UTRN: variants seen among roughly 807,000 people sequenced by gnomAD.
UTRN encodes utrophin.
UTRN carries 283 observed loss-of-function variants against 463.9 expected under a neutral mutation model. The ratio of observed to expected loss-of-function variants is 0.61; its 90% CI spans 0.55 to 0.67. The LOEUF (loss-of-function observed/expected upper bound fraction) is 0.67, where lower values mean the gene tolerates loss of function less well. UTRN is among the 30% of genes least tolerant of loss of function. UTRN has a pLI of 0.00. For synonymous variants in UTRN, 1,442 were observed against 1,431.5 expected, an observed-to-expected ratio of 1.01 and a Z score of -0.17; for missense variants, 3,922 against 4,084.3, an observed-to-expected ratio of 0.96 and a Z score of 1.08.
intron 48 of UTRN, among the ~76,000 whole-genome samples, chr6:144,553,401 C>T (rs150697228): frequency 1.5e-3 from 232 of 152,266 alleles, no homozygotes; most frequent in African/African-American, 5.2e-3. Context: ...CAAAGTGTTC[C>T]ATGATAACTC....
At chr6:144,777,361 GA>G (rs560097632) in intron 60 of UTRN, among the ~76,000 whole-genome samples, 6 of 151,646 alleles carry the variant, frequency 4.0e-5, no homozygotes, top group South Asian at 2.1e-4. Context: ...TTAAATGGCA[GA>G]AAAAAAATGT....
At chr6:144,393,926 G>T (rs1246604504) in intron 2 of UTRN, among the ~76,000 whole-genome samples, 1 of 152,164 alleles carries the variant, frequency 6.6e-6, no homozygotes, top group Non-Finnish European at 1.5e-5. Context: ...TTTTGAGGTT[G>T]CATTGTTCTT....
intron 53 of UTRN, chr6:144,708,222 A>G (rs1290454115): frequency 4.9e-6 from 3 of 611,746 alleles, no homozygotes; most frequent in East Asian, 6.8e-5. Flanking sequence ...AATCTTGTAA[A>G]TTTGTAGTCC....
intron 51 of UTRN, among the ~76,000 whole-genome samples, chr6:144,638,298 C>G (rs560555535): frequency 6.6e-6 from 1 of 152,170 alleles, no homozygotes; most frequent in East Asian, 1.9e-4. Context: ...CATCTGTCAT[C>G]CTTGTTGATG....
At chr6:144,741,419 T>A (rs1401659991) in intron 54 of UTRN, among the ~76,000 whole-genome samples, 1 of 152,218 alleles carries the variant, frequency 6.6e-6, no homozygotes, top group Non-Finnish European at 1.5e-5. Flanking sequence ...TTTCTTTTTC[T>A]AGTTAAAGAT....
chr6:144,782,781 C>T (rs1291279892), intron 61 of UTRN, among the ~76,000 whole-genome samples: 2 of 152,100 alleles, frequency 1.3e-5, no homozygotes, highest in East Asian at 1.9e-4. Flanking sequence ...CTTTTGAATA[C>T]GACAGTACAT....
intron 2 of UTRN, among the ~76,000 whole-genome samples, chr6:144,331,701 G>A (rs1009221657): frequency 1.3e-5 from 2 of 152,140 alleles, no homozygotes; most frequent in South Asian, 2.1e-4. Context: ...CAAACGCAGC[G>A]ATTCAGCAGC....
chr6:144,495,439 C>T (rs1161991898), intron 33 of UTRN, among the ~76,000 whole-genome samples: 2 of 152,246 alleles, frequency 1.3e-5, no homozygotes, highest in Non-Finnish European at 2.9e-5. Context: ...CCTGCTGCTC[C>T]GAGTGCGGGG....
chr6:144,440,301 T>C, intron 12 of UTRN, 51 bp from the exon 13 acceptor site: 1 of 1,602,666 alleles, frequency 6.2e-7, no homozygotes, highest in Non-Finnish European at 8.5e-7. Context: ...GCGTTTTAAA[T>C]AGGTAAATGT....
Position 144,498,660 on chromosome 6 carries a change from C to CTTT in UTRN, c.4594-587_4594-585dup, listed in dbSNP as rs570731157. On this transcript the variant is annotated intron_variant, in intron 33 of 74. Transcript: ENST00000367545. ...TTTCTCGCTTAATACACATAACAAT[C>CTTT]TTTTTTTTTTTTGAGACGGGGTCTT... 2.5e-3 allele frequency among the ~76,000 whole-genome samples: 371 copies of CTTT among 145,836 alleles called. 6 individuals carry two copies. The highest frequency in any genetic ancestry group is 0.011 in the Middle Eastern group (3 of 280).
At chr6:144,562,864 T>G (rs1183010734) in intron 50 of UTRN, among the ~76,000 whole-genome samples, 1 of 152,200 alleles carries the variant, frequency 6.6e-6, no homozygotes, top group East Asian at 1.9e-4. Flanking sequence ...CACCAGCATC[T>G]GTTGTTTCTT....
intron 2 of UTRN, among the ~76,000 whole-genome samples, chr6:144,372,651 T>A (rs1340692926): frequency 6.6e-6 from 1 of 151,966 alleles, no homozygotes; most frequent in Non-Finnish European, 1.5e-5. Context: ...TGCACCACCA[T>A]GCCTGGCTAA....
chr6:144,307,995 G>T (rs189043430), intron 2 of UTRN, among the ~76,000 whole-genome samples: 27 of 152,212 alleles, frequency 1.8e-4, no homozygotes, highest in Admixed American at 7.2e-4. Context: ...CTACAGGAGA[G>T]AGAGATAATG....
intron 27 of UTRN, among the ~76,000 whole-genome samples, chr6:144,483,561 G>A (rs1331527418): frequency 6.6e-5 from 10 of 152,090 alleles, no homozygotes; most frequent in South Asian, 2.1e-4. Context: ...TCCTGCCCCC[G>A]CTTCCTGAGT....
chr6:144,303,071 C>T (rs948814168), intron 2 of UTRN, among the ~76,000 whole-genome samples: 2 of 152,084 alleles, frequency 1.3e-5, no homozygotes, highest in African/African-American at 4.8e-5. Flanking sequence ...ACTTGGCTGG[C>T]AGCAGGAAAG....
At chr6:144,554,504 G>A (rs911440261) in intron 48 of UTRN, among the ~76,000 whole-genome samples, 184 bp from the exon 49 acceptor site, 7 of 152,022 alleles carry the variant, frequency 4.6e-5, no homozygotes, top group Admixed American at 2.0e-4. Context: ...CTCAAACACC[G>A]TTTCAGAAAT....
intron 56 of UTRN, among the ~76,000 whole-genome samples, chr6:144,752,689 G>A (rs1791533342): frequency 6.6e-6 from 1 of 152,040 alleles, no homozygotes; most frequent in South Asian, 2.1e-4. Context: ...TTAAATTTAT[G>A]TGTTTTTCTA....
chr6:144,304,933 A>G (rs1274484400), intron 2 of UTRN, among the ~76,000 whole-genome samples: 1 of 150,088 alleles, frequency 6.7e-6, no homozygotes, highest in African/African-American at 2.4e-5. Flanking sequence ...TAATGTTTTG[A>G]CTTTTTTTTT....
chr6:144,682,827 T>C (rs1782350272), intron 52 of UTRN, among the ~76,000 whole-genome samples: 1 of 152,248 alleles, frequency 6.6e-6, no homozygotes, highest in Non-Finnish European at 1.5e-5. Context: ...TAATTTAGCC[T>C]CTGCATTTGC....
Sources: gnomAD v4.1 joint callset for allele counts (sites outside exome capture counted in the v4.1 genomes callset) on GRCh38, gnomAD v4.1.1 for gene constraint, MANE v1.5 for transcripts, NCBI Gene and HGNC (gene_info 2026-07-23, HGNC 2026-07-21) for gene names.